BMPR1B: variants seen among roughly 807,000 people sequenced by gnomAD.
The protein encoded by BMPR1B is bone morphogenetic protein receptor type-1B.
Under a neutral mutation model 59.1 loss-of-function variants are expected in BMPR1B, and 12 were observed. The ratio of observed to expected loss-of-function variants is 0.20; its 90% confidence interval spans 0.13 to 0.33. The LOEUF is 0.33. BMPR1B is among the 10% of genes least tolerant of loss of function. The pLI, the probability that BMPR1B is intolerant of heterozygous loss-of-function variation, is 1.00. For missense variants in BMPR1B, 550 were observed against 610.9 expected, an observed-to-expected ratio of 0.90 and a Z score of 1.05; for synonymous variants, 237 against 207.3, an observed-to-expected ratio of 1.14 and a Z score of -1.23.
chr4:94,830,560 G>T (rs981525483), intron 1 of BMPR1B, among the ~76,000 whole-genome samples: 1 of 152,006 alleles, frequency 6.6e-6, no homozygotes, highest in African/African-American at 2.4e-5. Flanking sequence ...CTATTACTGG[G>T]GTTGCCTTTG....
At chr4:95,089,948 G>A (rs945618772) in intron 3 of BMPR1B, among the ~76,000 whole-genome samples, 6 of 152,094 alleles carry the variant, frequency 3.9e-5, no homozygotes, top group African/African-American at 1.4e-4. Flanking sequence ...GGTAGAATTA[G>A]GGGAATACTA....
intron 1 of BMPR1B, among the ~76,000 whole-genome samples, chr4:94,795,720 T>C (rs1243030869): frequency 1.3e-5 from 2 of 152,132 alleles, no homozygotes; most frequent in Non-Finnish European, 2.9e-5. Flanking sequence ...CACCTTGGCC[T>C]CCCAAAGTGC....
chr4:94,904,549 A>C (rs569061654), intron 2 of BMPR1B, among the ~76,000 whole-genome samples: 1 of 152,164 alleles, frequency 6.6e-6, no homozygotes, highest in East Asian at 1.9e-4. Context: ...CAGCCACCTC[A>C]GGTGATTTGT....
Position 95,136,766 on chromosome 4 carries a change from A to AT in BMPR1B, c.1076+5261dup, listed in dbSNP as rs556603802. Among the ~76,000 whole-genome samples the AT allele has an allele frequency of 7.3e-4, 111 of 151,928 alleles. 1 individual carries two copies. Among genetic ancestry groups the AT allele is most frequent in the African/African-American group, 2.2e-3 (92 of 41,466 alleles). ...GATCGGTGGTGATATCCCCTTTATCATTTTTTTATTGCATCTATTTGATTC... is the reference window on the plus strand; with the variant it reads ...GATCGGTGGTGATATCCCCTTTATCATTTTTTTTATTGCATCTATTTGATTC... On this transcript the variant is annotated intron_variant, in intron 10 of 12. Coordinates refer to ENST00000515059, the MANE Select transcript of BMPR1B (RefSeq NM_001203.3).
At chr4:94,896,629 T>A (rs1197241419) in intron 2 of BMPR1B, among the ~76,000 whole-genome samples, 5 of 152,156 alleles carry the variant, frequency 3.3e-5, no homozygotes, top group Admixed American at 1.3e-4. Context: ...TGTAAACATT[T>A]TGAAAGAAAC....
At chr4:94,784,341 A>G (rs1218592654) in intron 1 of BMPR1B, among the ~76,000 whole-genome samples, 2 of 149,266 alleles carry the variant, frequency 1.3e-5, no homozygotes, top group Non-Finnish European at 3.0e-5. Context: ...CTTGTATAAT[A>G]TTAGGTTTTG....
At chr4:94,877,225 T>C (rs949503540) in intron 2 of BMPR1B, among the ~76,000 whole-genome samples, 7 of 152,106 alleles carry the variant, frequency 4.6e-5, no homozygotes, top group African/African-American at 1.7e-4. Flanking sequence ...AAATAATTGG[T>C]CTTGATTTGG....
At chr4:95,071,644 G>A (rs1400652251) in intron 3 of BMPR1B, among the ~76,000 whole-genome samples, 3 of 83,620 alleles carry the variant, frequency 3.6e-5, no homozygotes, top group African/African-American at 5.6e-5. Flanking sequence ...GTGTGTGTGT[G>A]TGTGTGTGTA....
At chr4:95,149,468 A>G (rs1168061523) in intron 11 of BMPR1B, among the ~76,000 whole-genome samples, 1 of 152,182 alleles carries the variant, frequency 6.6e-6, no homozygotes, top group Admixed American at 6.5e-5. Context: ...ATTTTTTTAT[A>G]TTGTTTTTTC....
intron 2 of BMPR1B, among the ~76,000 whole-genome samples, chr4:94,944,795 C>T (rs1729648311): frequency 6.6e-6 from 1 of 152,066 alleles, no homozygotes; most frequent in Non-Finnish European, 1.5e-5. Flanking sequence ...GTTTATGGTG[C>T]AACCTGTATA....
intron 1 of BMPR1B, among the ~76,000 whole-genome samples, chr4:94,779,618 A>G (rs1378095151): frequency 6.6e-6 from 1 of 152,064 alleles, no homozygotes; most frequent in Non-Finnish European, 1.5e-5. Context: ...ATCACCTGAG[A>G]TAAGGAGTTC....
At chr4:94,770,212 C>G (rs1308875571) in intron 1 of BMPR1B, among the ~76,000 whole-genome samples, 3 of 84,024 alleles carry the variant, frequency 3.6e-5, no homozygotes, top group African/African-American at 1.2e-4. Flanking sequence ...TTTGCGAAAG[C>G]AAGGTTATAG....
At chr4:95,044,632 C>G (rs756338480) in intron 3 of BMPR1B, among the ~76,000 whole-genome samples, 4 of 152,126 alleles carry the variant, frequency 2.6e-5, no homozygotes, top group Admixed American at 2.0e-4. Flanking sequence ...AGAGAGAAGA[C>G]GTGCTCAGAA....
intron 3 of BMPR1B, among the ~76,000 whole-genome samples, chr4:95,048,874 T>A (rs1315463658): frequency 4.6e-5 from 7 of 152,334 alleles, no homozygotes; most frequent in African/African-American, 1.7e-4. Flanking sequence ...AGGGGCCTAA[T>A]ATGCCATTTA....
At chr4:95,017,845 A>G (rs1723690668) in intron 3 of BMPR1B, among the ~76,000 whole-genome samples, 1 of 152,196 alleles carries the variant, frequency 6.6e-6, no homozygotes, top group Non-Finnish European at 1.5e-5. Context: ...TAGTGTTGTT[A>G]GAGAACACCT....
intron 2 of BMPR1B, among the ~76,000 whole-genome samples, chr4:94,884,595 C>T (rs1560531420): frequency 6.6e-6 from 1 of 152,086 alleles, no homozygotes; most frequent in Non-Finnish European, 1.5e-5. Flanking sequence ...AGAGTTGTAA[C>T]CACCCTAGGG....
intron 2 of BMPR1B, among the ~76,000 whole-genome samples, chr4:94,973,651 A>G (rs1037031309): frequency 2.0e-5 from 3 of 152,162 alleles, no homozygotes; most frequent in South Asian, 2.1e-4. Flanking sequence ...GCGGGTAAAC[A>G]GGGATAGAAG....
At chr4:95,095,988 ATTG>A (rs1730342780) in intron 3 of BMPR1B, among the ~76,000 whole-genome samples, 1 of 151,556 alleles carries the variant, frequency 6.6e-6, no homozygotes, top group Non-Finnish European at 1.5e-5. Context: ...TTTTTGTAAC[ATTG>A]TACTCTTGAT....
chr4:94,834,956 T>A (rs971993730), intron 1 of BMPR1B, among the ~76,000 whole-genome samples: 21 of 117,516 alleles, frequency 1.8e-4, no homozygotes, highest in East Asian at 5.8e-4. Flanking sequence ...TTTTTTTTTT[T>A]AAATTTTGAA....
Sources: gnomAD v4.1 joint callset for allele counts (sites outside exome capture counted in the v4.1 genomes callset) on GRCh38, gnomAD v4.1.1 for gene constraint, MANE v1.5 for transcripts, NCBI Gene and HGNC (gene_info 2026-07-23, HGNC 2026-07-21) for gene names.